The following FRMPD4 variants were observed in gnomAD, a reference collection of about 807,000 sequenced individuals.
FRMPD4 encodes the protein FERM and PDZ domain containing 4.
FRMPD4 carries 22 observed loss-of-function variants against 94.1 expected under a neutral mutation model. That is an observed-to-expected ratio of 0.23 (90% CI 0.17 to 0.33). The LOEUF is 0.33. Ranked by LOEUF, FRMPD4 falls within the 10% of genes least tolerant of loss-of-function variation. FRMPD4 has a pLI of 1.00. For missense variants in FRMPD4, 1,111 were observed against 1,339.9 expected (o/e 0.83, Z 2.67); for synonymous variants, 631 against 548.6 (o/e 1.15, Z -2.10).
At chrX:12,407,484 G>T (rs2056680065) in intron 1 of FRMPD4, among the ~76,000 whole-genome samples, 1 of 111,779 alleles carries the variant, frequency 8.9e-6, no homozygotes, top group South Asian at 3.7e-4. Context: ...TGCAAAATAG[G>T]CATTCCAATA....
intron 3 of FRMPD4, among the ~76,000 whole-genome samples, chrX:11,923,901 C>A (rs1352017553): frequency 1.8e-5 from 2 of 112,275 alleles, no homozygotes; most frequent in East Asian, 5.5e-4. Context: ...GACCACATCA[C>A]CTTTCCAGCA....
intron 10 of FRMPD4, among the ~76,000 whole-genome samples, chrX:12,703,011 G>A (rs1444521975): frequency 8.9e-6 from 1 of 112,633 alleles, no homozygotes; most frequent in Non-Finnish European, 1.9e-5. Context: ...CACAACCGGA[G>A]TTGATTTTCA....
intron 3 of FRMPD4, among the ~76,000 whole-genome samples, chrX:11,971,417 A>G (rs1200088012): frequency 1.8e-5 from 2 of 113,159 alleles, no homozygotes; most frequent in Non-Finnish European, 3.7e-5. Flanking sequence ...TATAAATTTA[A>G]CAATGTAAAT....
chrX:12,119,953 TA>T (rs2055440946), intron 3 of FRMPD4, among the ~76,000 whole-genome samples: 1 of 112,256 alleles, frequency 8.9e-6, no homozygotes, highest in Admixed American at 9.4e-5. Context: ...CGACACTTAG[TA>T]GAAATGAAAG....
At chrX:11,974,101 G>A (rs1349511717) in intron 3 of FRMPD4, among the ~76,000 whole-genome samples, 1 of 111,686 alleles carries the variant, frequency 9.0e-6, no homozygotes, top group South Asian at 3.8e-4. Flanking sequence ...TCAGGAGATA[G>A]GAAACAGCTA....
chrX:12,474,823 C>T (rs2057571692), intron 1 of FRMPD4, among the ~76,000 whole-genome samples: 1 of 111,403 alleles, frequency 9.0e-6, no homozygotes, highest in Admixed American at 9.6e-5. Flanking sequence ...TAATTAATAG[C>T]TTACCAACCA....
chrX:12,536,143 C>T (rs942658911), intron 2 of FRMPD4, among the ~76,000 whole-genome samples: 3 of 107,230 alleles, frequency 2.8e-5, no homozygotes, highest in Middle Eastern at 9.7e-3. Context: ...TAAAATGAGC[C>T]AGTAGTATAT....
At chrX:12,534,910 T>C (rs1321757599) in intron 2 of FRMPD4, among the ~76,000 whole-genome samples, 10 of 111,464 alleles carry the variant, frequency 9.0e-5, no homozygotes, top group Non-Finnish European at 1.9e-4. Flanking sequence ...GAAGGCATGA[T>C]TGGTTTTGAA....
intron 7 of FRMPD4, 54 bp downstream of exon 7, chrX:12,686,258 GA>G (rs1343234800): frequency 1.4e-5 from 8 of 567,420 alleles, no homozygotes; most frequent in Non-Finnish European, 2.4e-5. Context: ...CAACATGCAG[GA>G]CACTGTGAGC....
chrX:12,519,572 A>G (rs1166214953), intron 2 of FRMPD4, among the ~76,000 whole-genome samples: 2 of 112,358 alleles, frequency 1.8e-5, no homozygotes, highest in African/African-American at 3.2e-5. Flanking sequence ...AAATTTCAAA[A>G]CTTTTGTGCC....
chrX:12,582,209 C>T (rs1308486247), intron 2 of FRMPD4, among the ~76,000 whole-genome samples: 2 of 112,452 alleles, frequency 1.8e-5, no homozygotes, highest in Non-Finnish European at 3.8e-5. Flanking sequence ...ATGCCCTTCA[C>T]GCAGATATTA....
chrX:12,388,101 G>T (rs1426161913), intron 1 of FRMPD4, among the ~76,000 whole-genome samples: 1 of 111,411 alleles, frequency 9.0e-6, no homozygotes, highest in African/African-American at 3.3e-5. Context: ...GGAGAACTGG[G>T]TATTCACTGG....
At chrX:12,263,653 G>C (rs974016811) in intron 1 of FRMPD4, among the ~76,000 whole-genome samples, 2 of 111,589 alleles carry the variant, frequency 1.8e-5, no homozygotes, top group African/African-American at 6.5e-5. Context: ...AGCCTGGGTA[G>C]CTATAGAGGT....
At chrX:12,219,190 G>A (rs760038443) in intron 1 of FRMPD4, among the ~76,000 whole-genome samples, 5 of 111,555 alleles carry the variant, frequency 4.5e-5, no homozygotes, top group East Asian at 2.8e-4. Context: ...GCAACACGAC[G>A]AAATCTCGTC....
In FRMPD4 at chrX:12,078,284, T is replaced by C. The variant is rs139208631; in HGVS notation, c.95+200266T>C. Among the ~76,000 whole-genome samples, 891 of 112,579 alleles carry C rather than the reference T, an allele frequency of 7.9e-3. 13 individuals are homozygous for C. The highest frequency in any genetic ancestry group is 0.027 in the African/African-American group (838 of 31,007). Reference sequence around the variant, plus strand: ...TCTAGTGTTTTAAGGCGAAGTCTTATATTATGTAATATAATAATGCGAATA... The same window carrying C: ...TCTAGTGTTTTAAGGCGAAGTCTTACATTATGTAATATAATAATGCGAATA... On this transcript the variant is annotated intron_variant, in intron 3 of 18. Transcript: ENST00000640291.
intron 5 of FRMPD4, among the ~76,000 whole-genome samples, chrX:12,680,654 A>C (rs1283845261): frequency 8.9e-6 from 1 of 112,263 alleles, no homozygotes; most frequent in Admixed American, 9.4e-5. Context: ...GAGTCTGTTG[A>C]CTTCAAATTG....
chrX:12,126,533 C>T (rs857358), intron 3 of FRMPD4, among the ~76,000 whole-genome samples: 11,854 of 110,722 alleles, frequency 0.11, 591 homozygotes, highest in African/African-American at 0.18. Flanking sequence ...AGAGGTCCCA[C>T]ATCACAGGCA....
chrX:12,697,163 A>C (rs1348860724), intron 9 of FRMPD4, among the ~76,000 whole-genome samples: 1 of 112,449 alleles, frequency 8.9e-6, no homozygotes. Context: ...TCCACCCCGA[A>C]CAACGAAACT....
chrX:12,634,416 A>G (rs973829196), intron 4 of FRMPD4, among the ~76,000 whole-genome samples: 3 of 112,174 alleles, frequency 2.7e-5, no homozygotes, highest in Non-Finnish European at 3.8e-5. Context: ...TGTTAAATCA[A>G]CGATATTAGA....
Sources: gnomAD v4.1 joint callset for allele counts (sites outside exome capture counted in the v4.1 genomes callset) on GRCh38, gnomAD v4.1.1 for gene constraint, MANE v1.5 for transcripts, NCBI Gene and HGNC (gene_info 2026-07-23, HGNC 2026-07-21) for gene names.